UCK2: variants seen among roughly 807,000 people sequenced by gnomAD.
UCK2 encodes uridine-cytidine kinase 2.
Under a neutral mutation model 30.8 loss-of-function variants are expected in UCK2, and 6 were observed. The ratio of observed to expected loss-of-function variants is 0.19; its 90% confidence interval spans 0.11 to 0.38. The LOEUF (loss-of-function observed/expected upper bound fraction) is 0.38, where lower values mean the gene tolerates loss of function less well. UCK2 is among the 10% of genes least tolerant of loss of function. The probability of loss-of-function intolerance (pLI) is 1.00; values close to 1 mark genes in which losing one functional copy is unlikely to be tolerated. For missense variants in UCK2, 210 were observed against 339.8 expected, an observed-to-expected ratio of 0.62 and a Z score of 3.00; for synonymous variants, 125 against 133.6, an observed-to-expected ratio of 0.94 and a Z score of 0.45.
At chr1:165,877,769 C>T (rs1388708414) in intron 1 of UCK2, among the ~76,000 whole-genome samples, 1 of 152,162 alleles carries the variant, frequency 6.6e-6, no homozygotes. Context: ...GGGATCAGTA[C>T]AATTGCCTGA....
intron 1 of UCK2, among the ~76,000 whole-genome samples, chr1:165,875,590 C>T (rs191415191): frequency 1.7e-4 from 26 of 152,322 alleles, no homozygotes; most frequent in Non-Finnish European, 3.5e-4. Context: ...AAACCTGAGC[C>T]TCTGGAACTT....
At chr1:165,852,822 G>A (rs1304584608) in intron 1 of UCK2, among the ~76,000 whole-genome samples, 3 of 152,142 alleles carry the variant, frequency 2.0e-5, no homozygotes, top group African/African-American at 7.2e-5. Flanking sequence ...GTGGACAAAC[G>A]GTGCAGGGAA....
chr1:165,907,675 G>A lies in UCK2; in HGVS notation c.647-9G>A. 3 of 1,613,928 alleles carry A rather than the reference G, an allele frequency of 1.9e-6. No individual in the cohort carries two copies. The highest frequency in any genetic ancestry group is 2.2e-5 in the South Asian group (2 of 91,042). ...CACCCGTAACGCTCTGCTGGTCTCT[G>A]CCCCACAGTGGCCATCAACCTCATC... On this transcript the variant is annotated splice_polypyrimidine_tract_variant and intron_variant, in intron 6 of 6. Coordinates refer to ENST00000367879, the MANE Select transcript of UCK2 (RefSeq NM_012474.5).
chr1:165,893,128 C>G (rs890429389), intron 3 of UCK2, among the ~76,000 whole-genome samples: 1 of 152,134 alleles, frequency 6.6e-6, no homozygotes, highest in Admixed American at 6.5e-5. Flanking sequence ...CAGTGAGAGT[C>G]TGATAAGGGC....
rs1384396382 is a variant in UCK2, at chr1:165,908,615, A to G, written c.*792A>G. 1 of 151,956 alleles carries G rather than the reference A, an allele frequency of 6.6e-6. No homozygotes were observed. Among genetic ancestry groups the G allele is most frequent in the Non-Finnish European group, 1.5e-5 (1 of 67,988 alleles). 9.4% of individuals were successfully genotyped at this position (151,956 alleles called of 1,614,324 possible). Reference sequence around the variant, plus strand: ...CACCCTCCTGCTTCTCTGTCTCTCCAAGAAGCCAGAGCTGCCTCTTTCCTT... The same window carrying G: ...CACCCTCCTGCTTCTCTGTCTCTCCGAGAAGCCAGAGCTGCCTCTTTCCTT... On this transcript the variant is annotated 3_prime_UTR_variant, in exon 7 of 7. Transcript: ENST00000367879.
chr1:165,853,490 C>G (rs949178721), intron 1 of UCK2, among the ~76,000 whole-genome samples: 1 of 151,924 alleles, frequency 6.6e-6, no homozygotes, highest in African/African-American at 2.4e-5. Flanking sequence ...TCACCCACCC[C>G]CGCTCCAACC....
At chr1:165,835,734 C>G (rs1398329286) in intron 1 of UCK2, among the ~76,000 whole-genome samples, 5 of 152,048 alleles carry the variant, frequency 3.3e-5, no homozygotes, top group African/African-American at 9.7e-5. Context: ...CTTTTTTCCT[C>G]AATCATATTT....
At chr1:165,877,469 C>G (rs887173019) in intron 1 of UCK2, among the ~76,000 whole-genome samples, 1 of 152,220 alleles carries the variant, frequency 6.6e-6, no homozygotes, top group African/African-American at 2.4e-5. Context: ...TGTCCCTAAC[C>G]GTGGTCCACC....
intron 1 of UCK2, 77 bp downstream of exon 1, chr1:165,828,009 C>T (rs1653935285): frequency 2.6e-6 from 3 of 1,138,946 alleles, no homozygotes; most frequent in East Asian, 6.9e-5. Flanking sequence ...GGCCGCGGGC[C>T]GTGTCAGTTG....
chr1:165,836,119 T>G (rs563756126), intron 1 of UCK2, among the ~76,000 whole-genome samples: 33 of 152,166 alleles, frequency 2.2e-4, no homozygotes, highest in African/African-American at 7.5e-4. Flanking sequence ...TCCCAGCTAC[T>G]CCGGAGGCTG....
intron 1 of UCK2, among the ~76,000 whole-genome samples, chr1:165,872,077 T>TA (rs1655208374): frequency 6.6e-6 from 1 of 152,180 alleles, no homozygotes; most frequent in African/African-American, 2.4e-5. Flanking sequence ...ACTTATTTTT[T>TA]ATTTTTATTT....
intron 1 of UCK2, among the ~76,000 whole-genome samples, chr1:165,875,941 G>T (rs1352884616): frequency 6.6e-6 from 1 of 152,110 alleles, no homozygotes; most frequent in African/African-American, 2.4e-5. Flanking sequence ...TCTGAAAGGT[G>T]GGGAAAGATT....
At chr1:165,889,688 CTTTTTTTT>C (rs57710760) in intron 1 of UCK2, among the ~76,000 whole-genome samples, 1 of 129,668 alleles carries the variant, frequency 7.7e-6, no homozygotes, top group East Asian at 2.2e-4. Context: ...CTCCGTTAGC[CTTTTTTTT>C]TTTTTTTTTT....
At chr1:165,829,525 G>A (rs558056190) in intron 1 of UCK2, among the ~76,000 whole-genome samples, 1 of 152,330 alleles carries the variant, frequency 6.6e-6, no homozygotes, top group African/African-American at 2.4e-5. Flanking sequence ...AAAGTGGGGA[G>A]GAGGCTTAAA....
intron 1 of UCK2, among the ~76,000 whole-genome samples, chr1:165,861,657 AAAC>A (rs1156996817): frequency 0.056 from 3,099 of 55,710 alleles, 576 homozygotes; most frequent in African/African-American, 0.099. Flanking sequence ...AAACAAAAAA[AAAC>A]AACAGTAAAA....
intron 3 of UCK2, among the ~76,000 whole-genome samples, chr1:165,895,184 T>TG (rs923712333): frequency 2.0e-5 from 3 of 151,918 alleles, no homozygotes; most frequent in African/African-American, 7.3e-5. Flanking sequence ...GAGGCTGAGG[T>TG]GGGTGGGTTG....
chr1:165,880,241 G>A (rs926347229), intron 1 of UCK2, among the ~76,000 whole-genome samples: 1 of 152,152 alleles, frequency 6.6e-6, no homozygotes, highest in East Asian at 1.9e-4. Flanking sequence ...ATACCCAGAA[G>A]GACTTCAGTT....
chr1:165,831,433 A>T (rs981886053), intron 1 of UCK2, among the ~76,000 whole-genome samples: 2 of 152,204 alleles, frequency 1.3e-5, no homozygotes, highest in Non-Finnish European at 2.9e-5. Flanking sequence ...GGACAGGTGT[A>T]ATAACACTAA....
At chr1:165,838,262 T>G (rs989059921) in intron 1 of UCK2, among the ~76,000 whole-genome samples, 3 of 152,186 alleles carry the variant, frequency 2.0e-5, no homozygotes, top group Non-Finnish European at 4.4e-5. Flanking sequence ...ACAGCCAGAG[T>G]GATCCCGTGA....
Sources: allele counts gnomAD v4.1 joint callset (sites outside exome capture counted in the v4.1 genomes callset), GRCh38; gene constraint gnomAD v4.1.1; transcripts MANE v1.5; gene names NCBI Gene and HGNC (gene_info 2026-07-23, HGNC 2026-07-21).